Variants in CDH13 observed in about 807,000 individuals in gnomAD.
CDH13 encodes the protein cadherin 13, also known as cadherin-13.
A neutral mutation model predicts 63.8 loss-of-function variants in CDH13; 24 were observed. That is an observed-to-expected ratio of 0.38 (90% CI 0.27 to 0.53). The LOEUF (loss-of-function observed/expected upper bound fraction) is 0.53. Among genes scored for constraint, CDH13 ranks in the 20% least tolerant of loss-of-function variants. CDH13 has a pLI of 0.85. For synonymous variants in CDH13, 503 were observed against 355.3 expected (o/e 1.42, Z -4.67); for missense variants, 1,049 against 903.1 (o/e 1.16, Z -2.07).
At chr16:83,580,202 G>A (rs2150720217) in intron 7 of CDH13, among the ~76,000 whole-genome samples, 1 of 152,214 alleles carries the variant, frequency 6.6e-6, no homozygotes, top group South Asian at 2.1e-4. Context: ...CAGAGTGATT[G>A]GCATTGAGTG....
chr16:82,917,274 G>C (rs141417972), intron 2 of CDH13, among the ~76,000 whole-genome samples: 1 of 152,366 alleles, frequency 6.6e-6, no homozygotes, highest in East Asian at 1.9e-4. Context: ...TCTCCATTGG[G>C]TGGGTCCAAT....
rs8063797 is a variant in CDH13 at position 82,666,425 on chromosome 16, A to G, written c.45+39288A>G. Among the ~76,000 whole-genome samples the G allele has an allele frequency of 6.2e-3, 949 of 152,328 alleles. 11 individuals carry two copies. The highest frequency in any genetic ancestry group is 0.021 in the African/African-American group (863 of 41,578). ...CTCCCTCTCCAATCAATGGATGACC[A>G]TACACTGTGCTTGTTCCTTCCACAT... On this transcript the variant is annotated intron_variant, in intron 1 of 13. Transcript: ENST00000567109.
chr16:83,591,710 C>T (rs925788375), intron 7 of CDH13, among the ~76,000 whole-genome samples: 1 of 152,202 alleles, frequency 6.6e-6, no homozygotes, highest in Non-Finnish European at 1.5e-5. Context: ...CACCGAAGCA[C>T]TCCCAGTTAG....
intron 1 of CDH13, among the ~76,000 whole-genome samples, chr16:82,749,987 G>A (rs375017955): frequency 2.6e-5 from 4 of 152,182 alleles, no homozygotes; most frequent in Admixed American, 2.0e-4. Context: ...ATTATGGGGA[G>A]GGTATTCCTG....
chr16:83,464,690 G>A (rs1212572267), intron 6 of CDH13, among the ~76,000 whole-genome samples: 1 of 152,068 alleles, frequency 6.6e-6, no homozygotes, highest in Non-Finnish European at 1.5e-5. Flanking sequence ...CCCCAAGGCT[G>A]GACGGAATGC....
chr16:83,359,496 T>A, intron 6 of CDH13, among the ~76,000 whole-genome samples: 1 of 152,122 alleles, frequency 6.6e-6, no homozygotes, highest in East Asian at 1.9e-4. Flanking sequence ...TTGGAAAGAC[T>A]CTAGAGACCC....
intron 11 of CDH13, among the ~76,000 whole-genome samples, chr16:83,763,399 C>T (rs2113146): frequency 1.1e-4 from 16 of 148,544 alleles, no homozygotes; most frequent in Admixed American, 5.4e-4. Context: ...TCAAAATATG[C>T]TTAGATTGAT....
At chr16:82,678,189 T>C (rs1408785314) in intron 1 of CDH13, among the ~76,000 whole-genome samples, 1 of 152,154 alleles carries the variant, frequency 6.6e-6, no homozygotes, top group Non-Finnish European at 1.5e-5. Flanking sequence ...GATGGATGGA[T>C]GGGAGGATGA....
intron 4 of CDH13, among the ~76,000 whole-genome samples, chr16:83,151,269 C>G (rs1391309978): frequency 3.9e-5 from 6 of 152,196 alleles, no homozygotes; most frequent in Non-Finnish European, 8.8e-5. Flanking sequence ...GTGAGACTAA[C>G]TGCATTAGAA....
rs548233337 is a variant in CDH13 at position 83,104,643 on chromosome 16, T to C, written c.367-20742T>C. 3.9e-5 allele frequency among the ~76,000 whole-genome samples: 6 copies of C among 151,930 alleles called. No individual in the cohort carries two copies. In the South Asian group the frequency reaches 1.2e-3, roughly 32 times the overall value. On this transcript the variant is annotated intron_variant, in intron 3 of 13. Coordinates refer to ENST00000567109, the MANE Select transcript of CDH13 (RefSeq NM_001257.5). ...CGGTGGCGGGGGTGGGCGGGGGAAA[T>C]AGTGTAATTTAGGTTAAATATTGTG...
At chr16:83,002,701 T>C (rs1913067249) in intron 2 of CDH13, among the ~76,000 whole-genome samples, 1 of 152,042 alleles carries the variant, frequency 6.6e-6, no homozygotes. Flanking sequence ...GGCATGATCA[T>C]CAGGAAAGAT....
chr16:83,488,340 C>T (rs945325019), intron 7 of CDH13, among the ~76,000 whole-genome samples: 1 of 151,930 alleles, frequency 6.6e-6, no homozygotes, highest in Non-Finnish European at 1.5e-5. Context: ...GGTTGAAGTA[C>T]TTCTAAAAAT....
intron 5 of CDH13, among the ~76,000 whole-genome samples, chr16:83,325,634 C>G (rs745352086): frequency 6.6e-6 from 1 of 152,246 alleles, no homozygotes; most frequent in Non-Finnish European, 1.5e-5. Flanking sequence ...GGCCTGTTAA[C>G]CATAACTCGA....
intron 2 of CDH13, among the ~76,000 whole-genome samples, chr16:82,881,800 C>T (rs899815612): frequency 1.3e-5 from 2 of 151,970 alleles, no homozygotes; most frequent in African/African-American, 4.8e-5. Context: ...ATCTGAGTGT[C>T]CCCCTGCGAT....
rs887216715 is a variant in CDH13, at chr16:83,799,065, C to T, written c.*4035C>T. On this transcript the variant is annotated 3_prime_UTR_variant, in exon 14 of 14. Transcript: ENST00000567109. Reference sequence around the variant, plus strand: ...GGTGACTCATGCCTGTAATCCCAGCCCTTTGGGAGGCAGAGGCGGGTGGAT... The same window carrying T: ...GGTGACTCATGCCTGTAATCCCAGCTCTTTGGGAGGCAGAGGCGGGTGGAT... 1 of 151,916 alleles carries T rather than the reference C, an allele frequency of 6.6e-6. No individual in the cohort carries two copies. Among genetic ancestry groups the T allele is most frequent in the Non-Finnish European group, 1.5e-5 (1 of 67,974 alleles). 9.4% of individuals were successfully genotyped at this position (151,916 alleles called of 1,614,324 possible).
At chr16:83,438,675 C>G (rs1043455884) in intron 6 of CDH13, among the ~76,000 whole-genome samples, 1 of 152,214 alleles carries the variant, frequency 6.6e-6, no homozygotes, top group Admixed American at 6.5e-5. Context: ...GTATATAGTA[C>G]GTTCTTTCCC....
At chr16:83,758,029 CA>C (rs1428560396) in intron 11 of CDH13, among the ~76,000 whole-genome samples, 3 of 144,680 alleles carry the variant, frequency 2.1e-5, no homozygotes, top group East Asian at 2.0e-4. Context: ...CACTCTGTCC[CA>C]AAAAAAAAGA....
intron 1 of CDH13, among the ~76,000 whole-genome samples, chr16:82,832,768 A>C (rs2038603389): frequency 6.6e-6 from 1 of 152,222 alleles, no homozygotes; most frequent in Admixed American, 6.5e-5. Flanking sequence ...GTATATTCTG[A>C]AATGTAAATA....
chr16:83,410,596 C>T (rs11645499), intron 6 of CDH13, among the ~76,000 whole-genome samples: 29,986 of 151,912 alleles, frequency 0.2, 3,354 homozygotes, highest in Middle Eastern at 0.31. Flanking sequence ...TCTGGTCATG[C>T]AATGCTATCA....
Sources: allele counts gnomAD v4.1 joint callset (sites outside exome capture counted in the v4.1 genomes callset), GRCh38; gene constraint gnomAD v4.1.1; transcripts MANE v1.5; gene names NCBI Gene and HGNC (gene_info 2026-07-23, HGNC 2026-07-21).